Variants in MAGI2 observed in about 807,000 individuals in gnomAD.
MAGI2 encodes membrane associated guanylate kinase, WW and PDZ domain containing 2.
A neutral mutation model predicts 133.3 loss-of-function variants in MAGI2; 35 were observed. That is an observed-to-expected ratio of 0.26 (90% CI 0.20 to 0.35). MAGI2 has a LOEUF of 0.35. Among genes scored for constraint, MAGI2 ranks in the 10% least tolerant of loss-of-function variants. The pLI is 1.00. For synonymous variants in MAGI2, 729 were observed against 710.6 expected (o/e 1.03, Z -0.41); for missense variants, 1,636 against 1,863.4 (o/e 0.88, Z 2.25).
chr7:78,595,654 GTTCA>G (rs1325935689), intron 3 of MAGI2, among the ~76,000 whole-genome samples: 1 of 152,174 alleles, frequency 6.6e-6, no homozygotes. Flanking sequence ...ATGAGAATTA[GTTCA>G]TTTTTATTCA....
At chr7:78,645,586 CA>C (rs1457771081) in intron 2 of MAGI2, among the ~76,000 whole-genome samples, 3 of 151,138 alleles carry the variant, frequency 2.0e-5, no homozygotes, top group Non-Finnish European at 3.0e-5. Flanking sequence ...AAAGAAAATC[CA>C]ACATCTAATC....
chr7:79,325,163 T>G (rs1450177182), intron 1 of MAGI2, among the ~76,000 whole-genome samples: 1 of 152,146 alleles, frequency 6.6e-6, no homozygotes, highest in Non-Finnish European at 1.5e-5. Context: ...TCTAGCAGGA[T>G]GCTGTCCATC....
At chr7:78,954,786 CT>C (rs1464771399) in intron 2 of MAGI2, among the ~76,000 whole-genome samples, 1 of 151,956 alleles carries the variant, frequency 6.6e-6, no homozygotes, top group Non-Finnish European at 1.5e-5. Context: ...TGTGATCATT[CT>C]TTTTTTAAAA....
chr7:79,321,706 G>T (rs563353736), intron 1 of MAGI2, among the ~76,000 whole-genome samples: 2 of 152,238 alleles, frequency 1.3e-5, no homozygotes, highest in East Asian at 3.9e-4. Context: ...AGTGTTGTTG[G>T]AGACTAGAAC....
chr7:78,374,283 T>G (rs1364755732), intron 6 of MAGI2, among the ~76,000 whole-genome samples: 1 of 152,168 alleles, frequency 6.6e-6, no homozygotes, highest in Non-Finnish European at 1.5e-5. Flanking sequence ...GGTATCCTTT[T>G]GTGGTTTGAG....
intron 16 of MAGI2, among the ~76,000 whole-genome samples, chr7:78,151,601 G>C (rs1024144774): frequency 6.6e-6 from 1 of 152,184 alleles, no homozygotes; most frequent in African/African-American, 2.4e-5. Context: ...TCTCTCATCT[G>C]AGTCTTCATT....
intron 2 of MAGI2, among the ~76,000 whole-genome samples, chr7:78,634,620 A>G (rs1809433340): frequency 6.6e-6 from 1 of 152,208 alleles, no homozygotes. Context: ...GACTGGGGAA[A>G]CAAGTTAAAT....
At chr7:78,243,745 C>T (rs917524451) in intron 10 of MAGI2, among the ~76,000 whole-genome samples, 7 of 152,046 alleles carry the variant, frequency 4.6e-5, no homozygotes, top group Non-Finnish European at 8.8e-5. Context: ...TTTTCAAAAA[C>T]GGGTCAACTG....
At chr7:79,179,627 G>A (rs1167973436) in intron 1 of MAGI2, among the ~76,000 whole-genome samples, 1 of 151,916 alleles carries the variant, frequency 6.6e-6, no homozygotes, top group Non-Finnish European at 1.5e-5. Context: ...TCTACATATT[G>A]ATAGCCAACT....
intron 2 of MAGI2, among the ~76,000 whole-genome samples, chr7:78,693,499 T>C (rs73380280): frequency 0.014 from 2,146 of 152,270 alleles, 48 homozygotes; most frequent in African/African-American, 0.05. Flanking sequence ...AACATTTGTA[T>C]TTACTACTGG....
At chr7:79,039,908 A>G (rs981706612) in intron 1 of MAGI2, among the ~76,000 whole-genome samples, 1 of 148,908 alleles carries the variant, frequency 6.7e-6, no homozygotes, top group African/African-American at 2.5e-5. Flanking sequence ...AATATTATTC[A>G]GCCATAAAAA....
intron 2 of MAGI2, among the ~76,000 whole-genome samples, chr7:78,724,018 T>A (rs1024331202): frequency 1.3e-5 from 2 of 152,086 alleles, no homozygotes; most frequent in African/African-American, 4.8e-5. Context: ...GTGGTCTAGG[T>A]CCTGCTGCTT....
intron 2 of MAGI2, among the ~76,000 whole-genome samples, chr7:78,719,376 A>G (rs988165699): frequency 3.7e-5 from 5 of 134,476 alleles, no homozygotes; most frequent in Non-Finnish European, 7.7e-5. Flanking sequence ...AAATAAAGAA[A>G]AAAAATCCAA....
intron 10 of MAGI2, chr7:78,255,111 C>T (rs965172981): frequency 1.3e-5 from 2 of 152,464 alleles, no homozygotes; most frequent in Admixed American, 6.5e-5. Flanking sequence ...CCTCCCTTCT[C>T]TCTCTAGGTT....
intron 1 of MAGI2, among the ~76,000 whole-genome samples, chr7:79,030,772 T>A (rs1373523342): frequency 6.6e-6 from 1 of 152,212 alleles, no homozygotes; most frequent in Admixed American, 6.5e-5. Flanking sequence ...CCAGAATTAT[T>A]CTTGGGATTA....
intron 2 of MAGI2, among the ~76,000 whole-genome samples, chr7:78,983,373 A>G (rs181858923): frequency 6.6e-6 from 1 of 151,788 alleles, no homozygotes; most frequent in African/African-American, 2.4e-5. Context: ...CTCATGTCAT[A>G]TTTTTTTTAA....
chr7:78,491,413 G>C (rs145791802), intron 5 of MAGI2, among the ~76,000 whole-genome samples: 118 of 152,218 alleles, frequency 7.8e-4, no homozygotes, highest in African/African-American at 2.6e-3. Flanking sequence ...TGCTCCTGAA[G>C]AAGACGCCAT....
At chr7:78,323,201 C>T (rs1490195283) in intron 9 of MAGI2, among the ~76,000 whole-genome samples, 1 of 152,056 alleles carries the variant, frequency 6.6e-6, no homozygotes, top group Non-Finnish European at 1.5e-5. Flanking sequence ...CAAGTATATA[C>T]TTGGGTCTGA....
intron 6 of MAGI2, among the ~76,000 whole-genome samples, chr7:78,444,245 T>C (rs1787906921): frequency 1.3e-5 from 2 of 152,074 alleles, no homozygotes; most frequent in Non-Finnish European, 2.9e-5. Flanking sequence ...TGGCTTTAAA[T>C]CAAGGTGACA....
Sources: allele counts gnomAD v4.1 joint callset (sites outside exome capture counted in the v4.1 genomes callset), GRCh38; gene constraint gnomAD v4.1.1; transcripts MANE v1.5; gene names NCBI Gene and HGNC (gene_info 2026-07-23, HGNC 2026-07-21).